Variants in AOPEP observed in about 807,000 individuals in gnomAD.
AOPEP encodes the protein aminopeptidase O (putative), also known as aminopeptidase O.
A neutral mutation model predicts 98.1 loss-of-function variants in AOPEP; 77 were observed. The ratio of observed to expected loss-of-function variants is 0.78; its 90% CI spans 0.65 to 0.95. AOPEP has a LOEUF of 0.95. Ranked by LOEUF, AOPEP falls within the 40% of genes least tolerant of loss-of-function variation. AOPEP has a pLI of 0.00. For synonymous variants in AOPEP, 346 were observed against 365.3 expected (o/e 0.95, Z 0.60); for missense variants, 1,024 against 1,024.7 (o/e 1.00, Z 0.01).
At chr9:95,130,017 G>A in the AOPEP span, among the ~76,000 whole-genome samples, 1 of 152,130 alleles carries the variant, frequency 6.6e-6, no homozygotes, top group African/African-American at 2.4e-5. Flanking sequence ...GGAAGACAAA[G>A]TCAACATGGA....
At chr9:95,080,494 T>A (rs138647997) in intron 14 of AOPEP, among the ~76,000 whole-genome samples, 200 bp from the exon 15 acceptor site, 91 of 152,282 alleles carry the variant, frequency 6.0e-4, no homozygotes, top group African/African-American at 2.1e-3. Flanking sequence ...CCAGCCTGGG[T>A]GACAGAGCGA....
chr9:95,126,584 G>C, the AOPEP span: 1 of 1,613,850 alleles, frequency 6.2e-7, no homozygotes, highest in Non-Finnish European at 8.5e-7. Flanking sequence ...GCTTGAGGCT[G>C]TAAAAGGAGA....
intron 5 of AOPEP, among the ~76,000 whole-genome samples, chr9:94,864,693 TG>T (rs1219342677): frequency 2.0e-5 from 3 of 152,160 alleles, no homozygotes; most frequent in Non-Finnish European, 2.9e-5. Flanking sequence ...AATAAAGCAA[TG>T]TAATTTATAA....
At chr9:95,045,936 C>T (rs1332126318) in intron 13 of AOPEP, among the ~76,000 whole-genome samples, 2 of 152,208 alleles carry the variant, frequency 1.3e-5, no homozygotes, top group African/African-American at 2.4e-5. Context: ...GAAGGCGCCG[C>T]CACCTCCACT....
At chr9:95,058,869 CCT>C (rs894040432) in intron 13 of AOPEP, among the ~76,000 whole-genome samples, 4 of 152,178 alleles carry the variant, frequency 2.6e-5, no homozygotes, top group Non-Finnish European at 5.9e-5. Flanking sequence ...CAGGAAAGCA[CCT>C]CTCTCGGAAC....
intron 1 of AOPEP, among the ~76,000 whole-genome samples, chr9:94,728,344 C>T (rs1173726309): frequency 6.6e-6 from 1 of 152,042 alleles, no homozygotes; most frequent in Non-Finnish European, 1.5e-5. Flanking sequence ...TTGGAGTCCT[C>T]AGGGAATGGG....
intron 1 of AOPEP, among the ~76,000 whole-genome samples, chr9:94,751,204 T>G (rs1835691537): frequency 6.6e-6 from 1 of 152,134 alleles, no homozygotes. Flanking sequence ...CGCCTTACAG[T>G]TCTTGTCAGC....
the AOPEP span, among the ~76,000 whole-genome samples, chr9:95,124,789 C>G: frequency 6.6e-6 from 1 of 152,220 alleles, no homozygotes; most frequent in African/African-American, 2.4e-5. Flanking sequence ...GCTCGGCAGA[C>G]AGTGCACAAC....
intron 12 of AOPEP, 148 bp from the exon 13 acceptor site, chr9:95,005,394 C>T (rs1472652159): frequency 1.0e-5 from 9 of 892,442 alleles, no homozygotes; most frequent in South Asian, 3.3e-5. Flanking sequence ...GTGAGGCGCC[C>T]GGCGAGTTCC....
chr9:94,800,987 G>T lies in AOPEP; in HGVS notation c.1349G>T (p.Ser450Ile), dbSNP rs138585926. ...DVLIVPANFP[S>I]LGMASPHIMF... ...CTCATCGTCCCTGCCAACTTTCCAA[G>T]TCTGGGGATGGCCAGGTATGTTGTT... Residue 450 changes from serine to isoleucine, a missense_variant, in exon 5 of 17, where the codon AGT becomes ATT. Physicochemically the swap from Ser to Ile is moderately radical, Grantham distance 142 (BLOSUM62 -2). Transcript: ENST00000375315. The T allele has an allele frequency of 2.3e-5, 37 of 1,614,082 alleles. No homozygotes were observed. The African/African-American group carries it at 4.7e-4, about 20-fold the overall frequency.
chr9:94,728,713 CCAGAGGCCACCAAAAGACGATCTCCAGAG>C (rs1284679613), intron 1 of AOPEP, among the ~76,000 whole-genome samples: 4 of 152,058 alleles, frequency 2.6e-5, no homozygotes, highest in African/African-American at 9.7e-5. Flanking sequence ...AAGCAAGGTC[CCAGAGGCCACCAAAAGACGATCTCCAGAG>C]CAGAGGCCAC....
intron 11 of AOPEP, among the ~76,000 whole-genome samples, chr9:95,002,318 A>G (rs1313764062): frequency 6.6e-6 from 1 of 152,132 alleles, no homozygotes; most frequent in African/African-American, 2.4e-5. Context: ...ATGCCAGGCA[A>G]TGTTTCTGGT....
chr9:95,109,560 A>T, the AOPEP span: 19 of 151,896 alleles, frequency 1.3e-4, no homozygotes, highest in African/African-American at 4.6e-4. Flanking sequence ...GCAAAAGGAG[A>T]TGAACTCTGG....
intron 3 of AOPEP, among the ~76,000 whole-genome samples, chr9:94,778,311 A>G (rs1157519370): frequency 1.3e-5 from 2 of 152,198 alleles, no homozygotes; most frequent in Non-Finnish European, 2.9e-5. Flanking sequence ...AAGAGAAATG[A>G]AAACCTACGT....
At chr9:94,956,154 T>C (rs2058439084) in intron 9 of AOPEP, 139 bp downstream of exon 9, 2 of 579,424 alleles carry the variant, frequency 3.5e-6, no homozygotes, top group Non-Finnish European at 6.2e-6. Context: ...GTTAATGAAA[T>C]GGACACAAAG....
At chr9:94,731,323 G>C (rs948156877) in intron 1 of AOPEP, among the ~76,000 whole-genome samples, 40 of 152,106 alleles carry the variant, frequency 2.6e-4, no homozygotes, top group African/African-American at 9.2e-4. Flanking sequence ...TGCCTCCCGG[G>C]TTCACGCCAT....
chr9:95,043,249 G>GATATATATATACATATATATACAGAT (rs1564564297), intron 13 of AOPEP, among the ~76,000 whole-genome samples: 1 of 28,546 alleles, frequency 3.5e-5, no homozygotes, highest in African/African-American at 8.1e-5. Flanking sequence ...GATATATACA[G>GATATATATATACATATATATACAGAT]ATATATATAT....
At chr9:95,000,474 A>C (rs545292893) in intron 11 of AOPEP, among the ~76,000 whole-genome samples, 7 of 152,316 alleles carry the variant, frequency 4.6e-5, no homozygotes, top group African/African-American at 1.7e-4. Flanking sequence ...TTGGGAGGCC[A>C]AGGTGGGTGG....
chr9:94,793,378 CAAA>C (rs1466451799), intron 4 of AOPEP, among the ~76,000 whole-genome samples: 49 of 145,912 alleles, frequency 3.4e-4, no homozygotes, highest in African/African-American at 1.1e-3. Flanking sequence ...CAAAACAAAA[CAAA>C]GAAGAAAGGA....
Sources: allele counts gnomAD v4.1 joint callset (sites outside exome capture counted in the v4.1 genomes callset), GRCh38; gene constraint gnomAD v4.1.1; transcripts MANE v1.5; gene names NCBI Gene and HGNC (gene_info 2026-07-23, HGNC 2026-07-21).